Variants in BCL11B observed in about 807,000 individuals in gnomAD.
BCL11B encodes B-cell lymphoma/leukemia 11B.
In BCL11B, 8 loss-of-function variants were observed where a neutral mutation model predicts 49.9. That is an observed-to-expected ratio of 0.16 (90% CI 0.09 to 0.29). The LOEUF is 0.29. Ranked by LOEUF, BCL11B falls within the 10% of genes least tolerant of loss-of-function variation. BCL11B has a pLI of 1.00. For missense variants in BCL11B, 1,006 were observed against 1,351.0 expected (o/e 0.74, Z 4.00); for synonymous variants, 739 against 637.4 (o/e 1.16, Z -2.40).
intron 1 of BCL11B, among the ~76,000 whole-genome samples, chr14:99,260,073 C>A (rs965811860): frequency 6.6e-6 from 1 of 152,092 alleles, no homozygotes; most frequent in Admixed American, 6.5e-5. Context: ...ATGTATTGTG[C>A]GCCATTTTTA....
intron 3 of BCL11B, among the ~76,000 whole-genome samples, chr14:99,203,421 T>C (rs1012976383): frequency 2.6e-5 from 4 of 152,148 alleles, no homozygotes; most frequent in African/African-American, 9.7e-5. Flanking sequence ...ACACTGACAC[T>C]GAATCCAGAA....
chr14:99,262,479 C>T lies in BCL11B; in HGVS notation c.59-4640G>A, dbSNP rs564450168. Among the ~76,000 whole-genome samples the T allele has an allele frequency of 1.3e-5, 2 of 151,816 alleles. No individual in the cohort carries two copies. Among genetic ancestry groups the T allele is most frequent in the Admixed American group, 6.6e-5 (1 of 15,240 alleles). On this transcript the variant is annotated intron_variant, in intron 1 of 3. Transcript: ENST00000357195. The surrounding 1 kb of genome is among the most constrained non-coding windows in gnomAD (Gnocchi z 4.2). ...CACAGAATTATTGTTTCAGTGATGA[C>T]GGGGGTGGGAAAGGGAAGGATGTGG...
intron 1 of BCL11B, among the ~76,000 whole-genome samples, chr14:99,267,278 A>C (rs1889510603): frequency 6.6e-6 from 1 of 151,408 alleles, no homozygotes; most frequent in Admixed American, 6.6e-5. Flanking sequence ...ATCAAAAAAA[A>C]AGAAAAGAAA....
chr14:99,261,304 T>C (rs899132821), intron 1 of BCL11B, among the ~76,000 whole-genome samples: 2 of 152,198 alleles, frequency 1.3e-5, no homozygotes, highest in Non-Finnish European at 2.9e-5. Context: ...GCTAGGCGTG[T>C]AGGGTGCCTG....
In BCL11B at chr14:99,257,009, C is replaced by T. The variant is rs1247560449; in HGVS notation, c.427+462G>A. Among the ~76,000 whole-genome samples the T allele has an allele frequency of 6.6e-6, 1 of 152,198 alleles. No individual in the cohort carries two copies. The highest frequency in any genetic ancestry group is 1.5e-5 in the Non-Finnish European group (1 of 68,044). On this transcript the variant is annotated intron_variant, in intron 2 of 3. Transcript: ENST00000357195. This position sits in a 1 kb window ranked among gnomAD's most constrained non-coding sequence, Gnocchi z 6.2. ...GCCTACCAGGTCATGCCGCATGCAA[C>T]AGCTCATTCGTCCTCACAGCAACCC...
At chr14:99,237,565 CACT>C (rs1311957162) in intron 2 of BCL11B, among the ~76,000 whole-genome samples, 7 of 152,136 alleles carry the variant, frequency 4.6e-5, no homozygotes. Context: ...CATCAGACAC[CACT>C]GTTTTGTCTG....
intron 3 of BCL11B, among the ~76,000 whole-genome samples, chr14:99,199,657 T>C (rs1314571463): frequency 1.2e-5 from 1 of 81,384 alleles, no homozygotes; most frequent in South Asian, 3.2e-4. Flanking sequence ...TGTGTGTGTG[T>C]GTGTGTGTGT....
At chr14:99,201,984 G>A (rs959079228) in intron 3 of BCL11B, among the ~76,000 whole-genome samples, 2 of 152,168 alleles carry the variant, frequency 1.3e-5, no homozygotes, top group Admixed American at 1.3e-4. Context: ...AGAAACACTC[G>A]CCTCTTTTTT....
At chr14:99,227,641 T>C (rs1199405319) in intron 3 of BCL11B, among the ~76,000 whole-genome samples, 1 of 151,964 alleles carries the variant, frequency 6.6e-6, no homozygotes, top group Non-Finnish European at 1.5e-5. Context: ...TCTCAGAAAA[T>C]AACACGAGCC....
At position 99,175,068 on chromosome 14, in the gene BCL11B, C is replaced by T. The variant is rs1886445298; in HGVS notation, c.1768G>A (p.Glu590Lys). The T allele has an allele frequency of 6.3e-7, 1 of 1,599,972 alleles. No individual in the cohort carries two copies. The highest frequency in any genetic ancestry group is 1.3e-5 in the African/African-American group (1 of 74,562). The change falls in exon 4 of 4, where the codon GAG (glutamate) becomes AAG (lysine). Residue 590 changes from glutamate (E) to lysine (K), a missense_variant. By Grantham distance (56) the Glu-to-Lys change is moderately conservative (BLOSUM62 1). Around this residue, in one of 6 missense-constraint regions of BCL11B, gnomAD observed 443 missense variants for 499.7 expected, o/e 0.89. Coordinates refer to ENST00000357195, the MANE Select transcript of BCL11B (RefSeq NM_138576.4). Reference protein sequence around the residue: ...GGGAAKALADEKALVLGKVME... With the variant: ...GGGAAKALADKKALVLGKVME... Reference sequence around the variant, plus strand: ...ACCTTGCCCAGCACCAGCGCCTTCTCGTCAGCCAGCGCCTTGGCCGCGCCG... The same window carrying T: ...ACCTTGCCCAGCACCAGCGCCTTCTTGTCAGCCAGCGCCTTGGCCGCGCCG...
At position 99,209,244 on chromosome 14, in the gene BCL11B, T is replaced by C. The variant is rs185552920; in HGVS notation, c.640+22101A>G. The stretch of plus-strand genomic sequence containing the variant: ...TGAGGACTCTGAAGGGAAAGGGCGA[T>C]AGGCCATGGGCTGGGGAGGGGGTTC... On this transcript the variant is annotated intron_variant, in intron 3 of 3. Transcript: ENST00000357195. 2.7e-3 allele frequency among the ~76,000 whole-genome samples: 411 copies of C among 152,188 alleles called. 7 individuals carry two copies. Among genetic ancestry groups the C allele is most frequent in the Admixed American group, 0.023 (358 of 15,300 alleles).
chr14:99,250,215 T>G (rs1457050806), intron 2 of BCL11B, among the ~76,000 whole-genome samples: 1 of 151,824 alleles, frequency 6.6e-6, no homozygotes, highest in Non-Finnish European at 1.5e-5. Flanking sequence ...TTTTGTATTT[T>G]TAGTCGAGAC....
At chr14:99,199,683 T>TGCGCGCGCGC (rs1555378683) in intron 3 of BCL11B, among the ~76,000 whole-genome samples, 125 of 73,694 alleles carry the variant, frequency 1.7e-3, no homozygotes, top group South Asian at 4.2e-3. Context: ...TGTGTGTGTG[T>TGCGCGCGCGC]GCGCGCGCGC....
rs986688667 is a variant in BCL11B, at chr14:99,172,587, T to G, written c.*1564A>C. ...AAATTGAATGGCAGTAGAAAAACTG[T>G]CCTATAAATTATTATTTTATTTTGT... On this transcript the variant is annotated 3_prime_UTR_variant, in exon 4 of 4. Transcript: ENST00000357195. 1 of 209,166 alleles carries G rather than the reference T, an allele frequency of 4.8e-6. No homozygotes were observed. Among genetic ancestry groups the G allele is most frequent in the Non-Finnish European group, 9.7e-6 (1 of 102,806 alleles). 13.0% of individuals were successfully genotyped at this position (209,166 alleles called of 1,614,324 possible).
chr14:99,242,466 A>G lies in BCL11B; in HGVS notation c.428-10909T>C, dbSNP rs373588591. Among the ~76,000 whole-genome samples, 19 of 152,234 alleles carry G rather than the reference A, an allele frequency of 1.2e-4. No homozygotes were observed. The East Asian group carries it at 2.5e-3, about 20-fold the overall frequency. On this transcript the variant is annotated intron_variant, in intron 2 of 3. Transcript: ENST00000357195. The surrounding 1 kb of genome is among the most constrained non-coding windows in gnomAD (Gnocchi z 4.4). ...TTAGATCTGTATTCAATTAAGAAGC[A>G]CCAGACAGCTCCTGGCTCCAAGCCT...
chr14:99,202,847 T>A (rs1177664125), intron 3 of BCL11B, among the ~76,000 whole-genome samples: 1 of 152,136 alleles, frequency 6.6e-6, no homozygotes, highest in African/African-American at 2.4e-5. Context: ...CCCAGAAGTG[T>A]CCCTTCTCCT....
Position 99,248,667 on chromosome 14 carries a change from T to A in BCL11B, c.427+8804A>T, listed in dbSNP as rs1253011359. Among the ~76,000 whole-genome samples, 1 of 152,144 alleles carries A rather than the reference T, an allele frequency of 6.6e-6. No individual in the cohort carries two copies. The highest frequency in any genetic ancestry group is 2.4e-5 in the African/African-American group (1 of 41,430). On this transcript the variant is annotated intron_variant, in intron 2 of 3. Coordinates refer to ENST00000357195, the MANE Select transcript of BCL11B (RefSeq NM_138576.4). The surrounding 1 kb of genome is among the most constrained non-coding windows in gnomAD (Gnocchi z 4.7). ...AAGCTTTCAATCTAACAGTTTTCAT[T>A]TTCACCACCAGTTTCTTCAGAGAAA...
chr14:99,243,021 G>C (rs1369937144), intron 2 of BCL11B, among the ~76,000 whole-genome samples: 1 of 152,210 alleles, frequency 6.6e-6, no homozygotes, highest in Non-Finnish European at 1.5e-5. Flanking sequence ...ACTGCTTGCT[G>C]TATGCATTCC....
chr14:99,216,509 A>G (rs1887838445), intron 3 of BCL11B, among the ~76,000 whole-genome samples: 1 of 152,172 alleles, frequency 6.6e-6, no homozygotes, highest in Non-Finnish European at 1.5e-5. Flanking sequence ...CAGACTGGCC[A>G]CATTTCCCAG....
Sources: gnomAD v4.1 joint callset for allele counts (sites outside exome capture counted in the v4.1 genomes callset) on GRCh38, gnomAD v4.1.1 for gene constraint, gnomAD v4.1.1 regional missense constraint, Gnocchi (gnomAD v3.1) non-coding constraint, MANE v1.5 for transcripts, NCBI Gene and HGNC (gene_info 2026-07-23, HGNC 2026-07-21) for gene names.